Variants in EYS observed in about 807,000 individuals in gnomAD.
EYS encodes protein eyes shut homolog.
A neutral mutation model predicts 282.1 loss-of-function variants in EYS; 250 were observed. The observed-to-expected ratio is 0.89, with a 90% CI of 0.80 to 0.98. The LOEUF (loss-of-function observed/expected upper bound fraction) is 0.98, where lower values mean the gene tolerates loss of function less well. EYS is among the 50% of genes least tolerant of loss of function. EYS has a pLI of 0.00. For synonymous variants in EYS, 1,355 were observed against 1,282.9 expected, an observed-to-expected ratio of 1.06 and a Z score of -1.20; for missense variants, 4,016 against 3,709.0, an observed-to-expected ratio of 1.08 and a Z score of -2.15.
chr6:65,647,457 A>T (rs2149816416), intron 1 of EYS, among the ~76,000 whole-genome samples: 1 of 152,338 alleles, frequency 6.6e-6, no homozygotes. Context: ...ATAATTGGCA[A>T]GCCACATGTA....
chr6:65,038,764 A>G (rs961096161), intron 13 of EYS, among the ~76,000 whole-genome samples: 3 of 151,372 alleles, frequency 2.0e-5, no homozygotes, highest in Admixed American at 1.3e-4. Flanking sequence ...TATTAACTTT[A>G]GTCTCTGGAG....
At chr6:64,806,857 A>G (rs1263176471) in intron 22 of EYS, among the ~76,000 whole-genome samples, 1 of 152,126 alleles carries the variant, frequency 6.6e-6, no homozygotes, top group Non-Finnish European at 1.5e-5. Flanking sequence ...CATATTAAAA[A>G]CAAACCATCT....
At chr6:65,256,190 T>C (rs1468387747) in intron 12 of EYS, among the ~76,000 whole-genome samples, 1 of 151,690 alleles carries the variant, frequency 6.6e-6, no homozygotes, top group Non-Finnish European at 1.5e-5. Flanking sequence ...GGTCCTATCA[T>C]TGGCAACAAC....
chr6:64,930,889 C>T (rs1340846289), intron 15 of EYS, among the ~76,000 whole-genome samples: 1 of 152,100 alleles, frequency 6.6e-6, no homozygotes, highest in Non-Finnish European at 1.5e-5. Flanking sequence ...CAATAATGGC[C>T]ATACAGAGCC....
At chr6:64,023,862 C>T (rs913532584) in intron 33 of EYS, among the ~76,000 whole-genome samples, 5 of 152,176 alleles carry the variant, frequency 3.3e-5, no homozygotes, top group South Asian at 2.1e-4. Flanking sequence ...CAGTGGGCCC[C>T]GCACTCGTAG....
intron 35 of EYS, among the ~76,000 whole-genome samples, chr6:63,983,304 C>T (rs1387970278): frequency 6.6e-6 from 1 of 151,782 alleles, no homozygotes; most frequent in Non-Finnish European, 1.5e-5. Flanking sequence ...GAAACTCTGC[C>T]TGACTTTTCC....
intron 12 of EYS, among the ~76,000 whole-genome samples, chr6:65,092,644 C>T (rs1216398729): frequency 6.6e-6 from 1 of 152,078 alleles, no homozygotes; most frequent in Non-Finnish European, 1.5e-5. Flanking sequence ...TTTTTAGTTG[C>T]CGTGATAGCA....
rs559868529 is a variant in EYS, at chr6:64,348,701, C to T, written c.6078+39989G>A. Among the ~76,000 whole-genome samples the T allele has an allele frequency of 4.0e-5, 6 of 151,582 alleles. No individual in the cohort carries two copies. The East Asian group carries it at 1.2e-3, about 30-fold the overall frequency. Reference sequence around the variant, plus strand: ...AAAGGACGGATCTTTCAAATCTTTGCAGTTCCTTTATATTTTAGAAAATGA... The same window carrying T: ...AAAGGACGGATCTTTCAAATCTTTGTAGTTCCTTTATATTTTAGAAAATGA... On this transcript the variant is annotated intron_variant, in intron 29 of 42. Transcript: ENST00000503581.
At chr6:65,014,791 C>T (rs914518047) in intron 13 of EYS, among the ~76,000 whole-genome samples, 1 of 152,100 alleles carries the variant, frequency 6.6e-6, no homozygotes, top group Non-Finnish European at 1.5e-5. Flanking sequence ...TGAAGATATC[C>T]AGCTCCTAAT....
chr6:64,002,026 C>G (rs549355148), intron 33 of EYS, among the ~76,000 whole-genome samples: 2 of 152,358 alleles, frequency 1.3e-5, no homozygotes, highest in African/African-American at 4.8e-5. Context: ...TGTCCCCTAT[C>G]CTATGCCCAT....
intron 11 of EYS, among the ~76,000 whole-genome samples, chr6:65,314,108 T>A (rs1769233584): frequency 6.9e-6 from 1 of 145,024 alleles, no homozygotes; most frequent in African/African-American, 2.6e-5. Context: ...TTCAGGTGTG[T>A]CTATCTGTGT....
At chr6:64,453,141 A>G (rs1775422417) in intron 26 of EYS, among the ~76,000 whole-genome samples, 1 of 152,116 alleles carries the variant, frequency 6.6e-6, no homozygotes, top group Non-Finnish European at 1.5e-5. Context: ...ATCTGCAATG[A>G]ACTCCAACAA....
At chr6:63,823,648 T>C (rs534415928) in intron 36 of EYS, among the ~76,000 whole-genome samples, 1 of 152,322 alleles carries the variant, frequency 6.6e-6, no homozygotes, top group South Asian at 2.1e-4. Flanking sequence ...TCTTTAGCTT[T>C]AATAATAACC....
chr6:64,072,378 G>GC (rs1463321785), intron 32 of EYS, among the ~76,000 whole-genome samples: 1 of 143,384 alleles, frequency 7.0e-6, no homozygotes, highest in Non-Finnish European at 1.5e-5. Flanking sequence ...TTAGCAGGTT[G>GC]TTTTTTTTTT....
intron 19 of EYS, among the ~76,000 whole-genome samples, chr6:64,850,244 T>G (rs1765840434): frequency 6.6e-6 from 1 of 152,106 alleles, no homozygotes; most frequent in Non-Finnish European, 1.5e-5. Context: ...GCACATTCTT[T>G]CTATATTAAC....
chr6:64,196,515 C>A (rs1251897129), intron 31 of EYS, among the ~76,000 whole-genome samples: 1 of 152,070 alleles, frequency 6.6e-6, no homozygotes, highest in Non-Finnish European at 1.5e-5. Flanking sequence ...CAATGATAGA[C>A]TGGATTAAGA....
intron 22 of EYS, among the ~76,000 whole-genome samples, chr6:64,804,428 A>C (rs1005470851): frequency 6.6e-6 from 1 of 152,134 alleles, no homozygotes; most frequent in Non-Finnish European, 1.5e-5. Flanking sequence ...ATTTTTTACT[A>C]TTTATCTTGC....
chr6:65,115,548 A>C (rs1775342830), intron 12 of EYS, among the ~76,000 whole-genome samples: 1 of 152,060 alleles, frequency 6.6e-6, no homozygotes, highest in African/African-American at 2.4e-5. Context: ...AAAATTTAAA[A>C]AATTTATATA....
chr6:65,322,772 G>C (rs1341581357), intron 11 of EYS, among the ~76,000 whole-genome samples: 1 of 146,298 alleles, frequency 6.8e-6, no homozygotes, highest in Non-Finnish European at 1.5e-5. Flanking sequence ...CTCCAGCCCA[G>C]GTGAGAGAGC....
Sources: gnomAD v4.1 joint callset for allele counts (sites outside exome capture counted in the v4.1 genomes callset) on GRCh38, gnomAD v4.1.1 for gene constraint, MANE v1.5 for transcripts, NCBI Gene and HGNC (gene_info 2026-07-23, HGNC 2026-07-21) for gene names.